Variants in LSAMP observed in about 807,000 individuals in gnomAD.
LSAMP encodes the protein limbic system-associated membrane protein.
LSAMP carries 7 observed loss-of-function variants against 38.6 expected under a neutral mutation model. The ratio of observed to expected loss-of-function variants is 0.18; its 90% confidence interval spans 0.10 to 0.34. LSAMP has a LOEUF of 0.34. Ranked by LOEUF, LSAMP falls within the 10% of genes least tolerant of loss-of-function variation. LSAMP has a pLI of 1.00. For synonymous variants in LSAMP, 154 were observed against 166.8 expected (o/e 0.92, Z 0.59); for missense variants, 313 against 420.0 (o/e 0.75, Z 2.23).
intron 1 of LSAMP, among the ~76,000 whole-genome samples, chr3:116,113,637 G>A (rs1708675281): frequency 6.6e-6 from 1 of 151,418 alleles, no homozygotes; most frequent in South Asian, 2.1e-4. Context: ...GTTTTAGCCA[G>A]GATGGTCTCG....
chr3:116,253,861 T>C (rs9856590), intron 1 of LSAMP, among the ~76,000 whole-genome samples: 117,540 of 151,992 alleles, frequency 0.77, 46,006 homozygotes, highest in Non-Finnish European at 0.84. Context: ...AAAGGGGCCA[T>C]GCAAGCTCAT....
In LSAMP at chr3:116,445,197, T is replaced by A; in HGVS notation, c.-166A>T. The A allele has an allele frequency of 1.6e-6, 1 of 636,976 alleles. No homozygotes were observed. The highest frequency in any genetic ancestry group is 2.7e-6 in the Non-Finnish European group (1 of 369,114). 39.5% of individuals were successfully genotyped at this position (636,976 alleles called of 1,614,324 possible). A position where few individuals can be genotyped will look rare whatever the true frequency, so the allele number is the denominator to read the frequency against. The stretch of plus-strand genomic sequence containing the variant: ...GCCTCTCTCTTTCCCTCGCTCAGTC[T>A]CTTTTCCCTCTAAGACTTAACAAAG... On this transcript the variant is annotated 5_prime_UTR_variant, in exon 1 of 7. Transcript: ENST00000490035.
intron 1 of LSAMP, among the ~76,000 whole-genome samples, chr3:116,401,938 T>C (rs1576195474): frequency 1.3e-5 from 2 of 152,330 alleles, no homozygotes; most frequent in African/African-American, 2.4e-5. Flanking sequence ...GTAGGTAGTA[T>C]TGGTAGGTAG....
At chr3:116,320,972 C>T (rs2047699410) in intron 1 of LSAMP, among the ~76,000 whole-genome samples, 1 of 152,164 alleles carries the variant, frequency 6.6e-6, no homozygotes, top group Admixed American at 6.5e-5. Flanking sequence ...AAACATGTCC[C>T]TTACCCCTTT....
chr3:116,326,261 AG>A (rs1180925632), intron 1 of LSAMP, among the ~76,000 whole-genome samples: 1 of 152,180 alleles, frequency 6.6e-6, no homozygotes, highest in Non-Finnish European at 1.5e-5. Context: ...AGGAAAAAAA[AG>A]GCAACTTTCA....
chr3:116,001,191 A>G (rs1939980803), intron 3 of LSAMP, among the ~76,000 whole-genome samples: 1 of 152,108 alleles, frequency 6.6e-6, no homozygotes, highest in Non-Finnish European at 1.5e-5. Context: ...AAAAGAAAAG[A>G]AAAAAAGGAA....
intron 1 of LSAMP, among the ~76,000 whole-genome samples, chr3:116,253,437 C>T (rs960335424): frequency 6.6e-6 from 1 of 152,174 alleles, no homozygotes; most frequent in African/African-American, 2.4e-5. Flanking sequence ...ATAGGTGATA[C>T]ATATAGCATG....
intron 3 of LSAMP, among the ~76,000 whole-genome samples, chr3:115,919,097 C>G (rs534251024): frequency 6.6e-6 from 1 of 152,286 alleles, no homozygotes; most frequent in South Asian, 2.1e-4. Context: ...GCAGACCACA[C>G]AGCACTTGAA....
At chr3:116,231,630 A>G (rs2046403583) in intron 1 of LSAMP, among the ~76,000 whole-genome samples, 1 of 152,196 alleles carries the variant, frequency 6.6e-6, no homozygotes, top group Non-Finnish European at 1.5e-5. Context: ...TAAGCTGCAT[A>G]AATCACAGAG....
intron 1 of LSAMP, among the ~76,000 whole-genome samples, chr3:116,307,579 T>C (rs1343433701): frequency 1.3e-5 from 2 of 151,928 alleles, no homozygotes; most frequent in African/African-American, 2.4e-5. Context: ...ATTGGGCCTG[T>C]TGAGGAAGTC....
intron 1 of LSAMP, among the ~76,000 whole-genome samples, chr3:116,142,350 G>T (rs1268243635): frequency 6.6e-6 from 1 of 151,990 alleles, no homozygotes; most frequent in Non-Finnish European, 1.5e-5. Flanking sequence ...TAGTTTTTAT[G>T]TTCACAAAAT....
chr3:115,869,747 T>C (rs921208959), intron 3 of LSAMP, among the ~76,000 whole-genome samples: 1 of 152,136 alleles, frequency 6.6e-6, no homozygotes, highest in Admixed American at 6.6e-5. Flanking sequence ...CTATGTCTGG[T>C]GAATCACTTG....
chr3:116,137,143 C>G (rs1709268705), intron 1 of LSAMP, among the ~76,000 whole-genome samples: 2 of 152,018 alleles, frequency 1.3e-5, no homozygotes, highest in Admixed American at 6.6e-5. Context: ...CCCAGTGTCT[C>G]TCTGTCTTCT....
chr3:116,347,342 A>G (rs2048077537), intron 1 of LSAMP, among the ~76,000 whole-genome samples: 1 of 152,162 alleles, frequency 6.6e-6, no homozygotes, highest in African/African-American at 2.4e-5. Flanking sequence ...GGTCAGTCAA[A>G]TAACTGCTTC....
At chr3:116,082,812 C>CACTT (rs1707900882) in intron 2 of LSAMP, among the ~76,000 whole-genome samples, 1 of 152,034 alleles carries the variant, frequency 6.6e-6, no homozygotes, top group South Asian at 2.1e-4. Context: ...CACAGGTTCT[C>CACTT]ACTTATAAGT....
chr3:116,190,133 A>C (rs547042086), intron 1 of LSAMP, among the ~76,000 whole-genome samples: 65 of 151,550 alleles, frequency 4.3e-4, no homozygotes, highest in Non-Finnish European at 7.8e-4. Context: ...ACACACATGC[A>C]TTAAGAAATC....
intron 1 of LSAMP, among the ~76,000 whole-genome samples, chr3:116,157,456 T>A (rs756860618): frequency 3.9e-5 from 6 of 152,126 alleles, no homozygotes; most frequent in Non-Finnish European, 8.8e-5. Context: ...TAAAGATCCT[T>A]GCTAATCAGT....
At chr3:116,055,841 T>C (rs1317144559) in intron 2 of LSAMP, among the ~76,000 whole-genome samples, 3 of 152,196 alleles carry the variant, frequency 2.0e-5, no homozygotes, top group African/African-American at 7.2e-5. Context: ...CAAGCTAAGG[T>C]TGCAAATTCC....
In LSAMP at chr3:115,866,227, A is replaced by G. The variant is rs1033309123; in HGVS notation, c.515-13610T>C. On this transcript the variant is annotated intron_variant, in intron 3 of 6. Transcript: ENST00000490035. Reference sequence around the variant, plus strand: ...AGCTCTGTTCCTGAGATTGATCCTCATTTGCCTACCAGTTCTAGACACTAG... The same window carrying G: ...AGCTCTGTTCCTGAGATTGATCCTCGTTTGCCTACCAGTTCTAGACACTAG... Among the ~76,000 whole-genome samples, 25 of 151,832 alleles carry G rather than the reference A, an allele frequency of 1.6e-4. 1 individual carries two copies. Among genetic ancestry groups the G allele is most frequent in the Non-Finnish European group, 3.2e-4 (22 of 68,014 alleles).
Sources: allele counts gnomAD v4.1 joint callset (sites outside exome capture counted in the v4.1 genomes callset), GRCh38; gene constraint gnomAD v4.1.1; transcripts MANE v1.5; gene names NCBI Gene and HGNC (gene_info 2026-07-23, HGNC 2026-07-21).